Variants in BBS9 observed in about 807,000 individuals in gnomAD.
The protein encoded by BBS9 is Bardet-Biedl syndrome 9.
Under a neutral mutation model 117.7 loss-of-function variants are expected in BBS9, and 89 were observed. That is an observed-to-expected ratio of 0.76 (90% CI 0.64 to 0.90). The LOEUF (loss-of-function observed/expected upper bound fraction) is 0.90, where lower values mean the gene tolerates loss of function less well. Among genes scored for constraint, BBS9 ranks in the 40% least tolerant of loss-of-function variants. The probability of loss-of-function intolerance (pLI) is 0.00; values close to 1 mark genes in which losing one functional copy is unlikely to be tolerated. For missense variants in BBS9, 982 were observed against 1,042.2 expected (o/e 0.94, Z 0.80); for synonymous variants, 379 against 370.9 (o/e 1.02, Z -0.25).
At chr7:33,482,515 CA>C (rs1175075415) in intron 19 of BBS9, among the ~76,000 whole-genome samples, 1 of 151,722 alleles carries the variant, frequency 6.6e-6, no homozygotes, top group East Asian at 1.9e-4. Flanking sequence ...ATAATTGAGA[CA>C]AAAAAGGATA....
chr7:33,545,419 C>T (rs960078439), intron 21 of BBS9, among the ~76,000 whole-genome samples: 1 of 152,140 alleles, frequency 6.6e-6, no homozygotes, highest in Admixed American at 6.5e-5. Context: ...GCTTGGCTCT[C>T]TAACTTGACT....
chr7:33,252,444 A>G (rs1796363126), intron 5 of BBS9, among the ~76,000 whole-genome samples: 1 of 152,158 alleles, frequency 6.6e-6, no homozygotes. Flanking sequence ...GCACCGTAGT[A>G]GTCTCTAGGC....
intron 1 of BBS9, among the ~76,000 whole-genome samples, chr7:33,132,247 G>A (rs1789726897): frequency 6.6e-6 from 1 of 152,172 alleles, no homozygotes; most frequent in Non-Finnish European, 1.5e-5. Flanking sequence ...CTGGGTTTAG[G>A]TACCGCACAT....
chr7:33,290,581 C>CT (rs1169063745), intron 9 of BBS9, among the ~76,000 whole-genome samples: 2 of 152,120 alleles, frequency 1.3e-5, no homozygotes, highest in East Asian at 3.8e-4. Flanking sequence ...AAATTTAGAA[C>CT]TTTTTACAGA....
At chr7:33,622,570 TTTTA>T (rs1243467624) in intron 21 of BBS9, among the ~76,000 whole-genome samples, 1 of 152,178 alleles carries the variant, frequency 6.6e-6, no homozygotes, top group East Asian at 1.9e-4. Context: ...TATATACAAT[TTTTA>T]TTTGTCATTT....
chr7:33,326,987 T>G (rs1404023578), intron 9 of BBS9, among the ~76,000 whole-genome samples: 2 of 152,012 alleles, frequency 1.3e-5, no homozygotes, highest in African/African-American at 4.8e-5. Flanking sequence ...GGCTGCCCAA[T>G]CTGGTGTCTT....
chr7:33,351,150 A>G, intron 13 of BBS9, 69 bp from the exon 14 acceptor site: 1 of 1,057,342 alleles, frequency 9.5e-7, no homozygotes, highest in Non-Finnish European at 1.5e-6. Context: ...GTGCTTATTA[A>G]ATTTTAACTG....
chr7:33,191,055 T>C (rs139687505), intron 5 of BBS9, among the ~76,000 whole-genome samples: 349 of 152,082 alleles, frequency 2.3e-3, no homozygotes, highest in Non-Finnish European at 3.6e-3. Flanking sequence ...GAGAGTGAGG[T>C]GGCCTCAACC....
intron 19 of BBS9, among the ~76,000 whole-genome samples, chr7:33,472,827 T>A (rs1412222724): frequency 1.3e-5 from 2 of 152,246 alleles, no homozygotes; most frequent in African/African-American, 4.8e-5. Context: ...CTTTATTGTT[T>A]GTGGAACTTG....
chr7:33,434,464 T>C (rs1366972464), intron 19 of BBS9, among the ~76,000 whole-genome samples: 1 of 152,118 alleles, frequency 6.6e-6, no homozygotes, highest in Non-Finnish European at 1.5e-5. Flanking sequence ...GACATTTTGG[T>C]GGGCTATCTT....
intron 4 of BBS9, among the ~76,000 whole-genome samples, chr7:33,166,498 C>T (rs1341221297): frequency 6.6e-6 from 1 of 152,264 alleles, no homozygotes; most frequent in African/African-American, 2.4e-5. Context: ...CCTTGCTAAG[C>T]TGCGGTGGGC....
chr7:33,452,056 AC>A (rs1837959964), intron 19 of BBS9, among the ~76,000 whole-genome samples: 1 of 151,366 alleles, frequency 6.6e-6, no homozygotes, highest in South Asian at 2.1e-4. Context: ...CTGGTCTTGA[AC>A]TCCTAACCTC....
chr7:33,522,614 C>T (rs1483274945), intron 20 of BBS9, among the ~76,000 whole-genome samples: 30 of 151,782 alleles, frequency 2.0e-4, no homozygotes, highest in East Asian at 3.9e-4. Flanking sequence ...TTCTTGTAAA[C>T]TTGTTTGAGT....
Position 33,179,617 on chromosome 7 carries a change from C to T in BBS9, c.442+2026C>T, listed in dbSNP as rs529568026. Among the ~76,000 whole-genome samples, 8 of 152,096 alleles carry T rather than the reference C, an allele frequency of 5.3e-5. No individual in the cohort carries two copies. In the South Asian group the frequency reaches 1.7e-3, roughly 32 times the overall value. ...TAGTTGCAGGAAAACAAGCTCAGGG[C>T]TTCTACTGATCCTACACTGTGTCGA... On this transcript the variant is annotated intron_variant, in intron 5 of 22. Coordinates refer to ENST00000242067, the MANE Select transcript of BBS9 (RefSeq NM_198428.3).
intron 4 of BBS9, among the ~76,000 whole-genome samples, chr7:33,173,779 T>C (rs974602112): frequency 6.6e-6 from 1 of 152,164 alleles, no homozygotes; most frequent in Non-Finnish European, 1.5e-5. Flanking sequence ...CTAATACTTA[T>C]GCACGTATAA....
intron 4 of BBS9, among the ~76,000 whole-genome samples, chr7:33,175,031 C>T (rs568924795): frequency 1.5e-4 from 23 of 152,270 alleles, no homozygotes; most frequent in East Asian, 1.9e-4. Context: ...TGGCCAGGTG[C>T]GGTGACTCAT....
intron 19 of BBS9, among the ~76,000 whole-genome samples, chr7:33,450,381 T>C (rs1312313397): frequency 6.6e-6 from 1 of 152,222 alleles, no homozygotes; most frequent in African/African-American, 2.4e-5. Context: ...TTCTTTTGGA[T>C]ATATACCCAG....
At position 33,264,373 on chromosome 7, in the gene BBS9, T is replaced by C; in HGVS notation, c.701T>C (p.Val234Ala). The C allele has an allele frequency of 6.4e-7, 1 of 1,563,894 alleles. No homozygotes were observed. The highest frequency in any genetic ancestry group is 8.7e-7 in the Non-Finnish European group (1 of 1,148,282). The change falls in exon 7 of 23, where the codon GTT (valine) becomes GCT (alanine). Residue 234 changes from valine (V) to alanine (A), a missense_variant and splice_region_variant. By Grantham distance (64) the Val-to-Ala change is moderately conservative. Transcript: ENST00000242067. Reference protein sequence around the residue: ...QQKLGSGKRLVVDWTLNIGEQ... With the variant: ...QQKLGSGKRLAVDWTLNIGEQ... ...AAACTTGGTTCTGGAAAAAGACTAG[T>C]TGTAAGGCCTTTTTTTAATATATAA...
chr7:33,302,192 GATAGTTTGAAC>G (rs1456667864), intron 9 of BBS9, among the ~76,000 whole-genome samples: 2 of 152,044 alleles, frequency 1.3e-5, no homozygotes, highest in African/African-American at 4.8e-5. Flanking sequence ...TTGTCAGAAG[GATAGTTTGAAC>G]ATATTTTCTC....
Sources: allele counts gnomAD v4.1 joint callset (sites outside exome capture counted in the v4.1 genomes callset), GRCh38; gene constraint gnomAD v4.1.1; transcripts MANE v1.5; gene names NCBI Gene and HGNC (gene_info 2026-07-23, HGNC 2026-07-21).